Variants in UBE2H observed in about 807,000 individuals in gnomAD.
UBE2H encodes the protein ubiquitin-conjugating enzyme E2 H.
Under a neutral mutation model 29.0 loss-of-function variants are expected in UBE2H, and 3 were observed. That is an observed-to-expected ratio of 0.10 (90% CI 0.05 to 0.27). UBE2H has a LOEUF of 0.27. Among genes scored for constraint, UBE2H ranks in the 10% least tolerant of loss-of-function variants. The probability of loss-of-function intolerance (pLI) is 1.00; values close to 1 mark genes in which losing one functional copy is unlikely to be tolerated. For missense variants in UBE2H, 68 were observed against 228.2 expected (o/e 0.30, Z 4.52); for synonymous variants, 69 against 82.9 (o/e 0.83, Z 0.91).
intron 5 of UBE2H, among the ~76,000 whole-genome samples, chr7:129,855,279 T>C (rs527289406): frequency 2.0e-4 from 31 of 152,224 alleles, no homozygotes; most frequent in Non-Finnish European, 3.7e-4. Flanking sequence ...GTAAAAGCTT[T>C]AGCAAAACTA....
At chr7:129,867,724 C>CAAAAAAAAAAAAAAAAAAAAAA (rs1473451530) in intron 3 of UBE2H, among the ~76,000 whole-genome samples, 6 of 31,204 alleles carry the variant, frequency 1.9e-4, no homozygotes, top group African/African-American at 4.0e-4. Context: ...AAAAGAAAAC[C>CAAAAAAAAAAAAAAAAAAAAAA]AAAAAAAAAA....
intron 3 of UBE2H, among the ~76,000 whole-genome samples, chr7:129,866,122 T>A (rs1584752844): frequency 6.6e-6 from 1 of 152,292 alleles, no homozygotes; most frequent in Middle Eastern, 3.4e-3. Context: ...GAGATGGACC[T>A]GGGCCTGTCT....
intron 3 of UBE2H, among the ~76,000 whole-genome samples, chr7:129,872,839 C>T (rs565439359): frequency 1.2e-3 from 114 of 94,764 alleles, no homozygotes; most frequent in African/African-American, 4.5e-3. Context: ...GAGCAACACT[C>T]CGTCTCAAAA....
intron 4 of UBE2H, among the ~76,000 whole-genome samples, chr7:129,858,338 T>C (rs766593432): frequency 6.6e-4 from 101 of 152,156 alleles, no homozygotes; most frequent in Non-Finnish European, 1.3e-3. Context: ...TAGGTATGTT[T>C]GTGAGAGACA....
rs1049843321 is a variant in UBE2H, at chr7:129,907,191, T to C, written c.54-26220A>G. ...CCGTTGTACGTTTCCTACCCCATCA[T>C]AGTTTACAACTTTGTTGGGTAAGAT... On this transcript the variant is annotated intron_variant, in intron 1 of 6. Coordinates refer to ENST00000355621, the MANE Select transcript of UBE2H (RefSeq NM_003344.4). Among the ~76,000 whole-genome samples the C allele has an allele frequency of 2.6e-5, 4 of 152,126 alleles. No homozygotes were observed. The South Asian group carries it at 8.3e-4, about 31-fold the overall frequency.
At chr7:129,892,107 C>G (rs1206922004) in intron 1 of UBE2H, among the ~76,000 whole-genome samples, 1 of 152,008 alleles carries the variant, frequency 6.6e-6, no homozygotes, top group African/African-American at 2.4e-5. Context: ...CGCCCGCCAC[C>G]AGGCCAAGCT....
At chr7:129,923,560 C>A (rs776656033) in intron 1 of UBE2H, among the ~76,000 whole-genome samples, 3 of 152,054 alleles carry the variant, frequency 2.0e-5, no homozygotes, top group Non-Finnish European at 2.9e-5. Flanking sequence ...AAGTAATAAG[C>A]CAAATTTAGG....
At chr7:129,869,993 C>T (rs1015088436) in intron 3 of UBE2H, among the ~76,000 whole-genome samples, 18 of 152,126 alleles carry the variant, frequency 1.2e-4, no homozygotes, top group Non-Finnish European at 7.4e-5. Context: ...CCCTTTGTTC[C>T]CCTAACTCTC....
At chr7:129,904,228 G>A (rs1484379591) in intron 1 of UBE2H, among the ~76,000 whole-genome samples, 1 of 151,758 alleles carries the variant, frequency 6.6e-6, no homozygotes, top group African/African-American at 2.4e-5. Context: ...CTTCTGCCCA[G>A]CCCTGATTTC....
chr7:129,852,675 G>C (rs1805632931), intron 5 of UBE2H, among the ~76,000 whole-genome samples: 1 of 151,978 alleles, frequency 6.6e-6, no homozygotes, highest in Admixed American at 6.6e-5. Context: ...AATGTAAACT[G>C]CCCAATTTCA....
intron 3 of UBE2H, among the ~76,000 whole-genome samples, chr7:129,867,397 T>A (rs1194993118): frequency 7.1e-6 from 1 of 141,574 alleles, no homozygotes; most frequent in Non-Finnish European, 1.5e-5. Context: ...ATATCCTTTG[T>A]AGGGACATGG....
At chr7:129,907,271 T>G (rs772421186) in intron 1 of UBE2H, among the ~76,000 whole-genome samples, 1 of 152,114 alleles carries the variant, frequency 6.6e-6, no homozygotes, top group Non-Finnish European at 1.5e-5. Flanking sequence ...GATAGTTAAG[T>G]GCCAAAACAA....
chr7:129,866,565 G>A (rs1215517970), intron 3 of UBE2H, among the ~76,000 whole-genome samples: 1 of 152,156 alleles, frequency 6.6e-6, no homozygotes, highest in East Asian at 1.9e-4. Flanking sequence ...GAACTCACAA[G>A]ACCCAACTAC....
intron 1 of UBE2H, among the ~76,000 whole-genome samples, chr7:129,899,812 A>G (rs943868646): frequency 5.9e-5 from 9 of 152,172 alleles, no homozygotes; most frequent in African/African-American, 2.2e-4. Context: ...AACACTTAAA[A>G]AGTATTTGTA....
At chr7:129,948,255 A>C (rs567703517) in intron 1 of UBE2H, among the ~76,000 whole-genome samples, 2 of 151,946 alleles carry the variant, frequency 1.3e-5, no homozygotes, top group East Asian at 3.9e-4. Flanking sequence ...TCCTACACTT[A>C]GGTGATCCTC....
At chr7:129,836,883 A>AAAAAAAAAAAAAAAG (rs1805338898) in intron 6 of UBE2H, among the ~76,000 whole-genome samples, 1 of 27,782 alleles carries the variant, frequency 3.6e-5, no homozygotes, top group Non-Finnish European at 7.7e-5. Context: ...CCGTCTCAAA[A>AAAAAAAAAAAAAAAG]AAAAAAAAAA....
chr7:129,860,869 G>C lies in UBE2H; in HGVS notation c.206-1928C>G, dbSNP rs561363576. The stretch of plus-strand genomic sequence containing the variant: ...TTTGCAAAAGTAATTGTTTCAGTTA[G>C]GGCACAGGGCCAGGGTCATGATAGG... On this transcript the variant is annotated intron_variant, in intron 3 of 6. Coordinates refer to ENST00000355621, the MANE Select transcript of UBE2H (RefSeq NM_003344.4). Among the ~76,000 whole-genome samples, 16 of 152,216 alleles carry C rather than the reference G, an allele frequency of 1.1e-4. No homozygotes were observed. In the South Asian group the frequency reaches 3.3e-3, roughly 32 times the overall value.
intron 6 of UBE2H, among the ~76,000 whole-genome samples, chr7:129,837,376 G>A (rs1805350500): frequency 6.6e-6 from 1 of 152,222 alleles, no homozygotes; most frequent in Non-Finnish European, 1.5e-5. Context: ...TGTAACACTT[G>A]CAGAAAGGTC....
intron 1 of UBE2H, among the ~76,000 whole-genome samples, chr7:129,951,832 G>C (rs1807881862): frequency 6.6e-6 from 1 of 152,064 alleles, no homozygotes; most frequent in African/African-American, 2.4e-5. Flanking sequence ...AGGGCCCGGG[G>C]GTCTTCATCA....
Sources: allele counts gnomAD v4.1 joint callset (sites outside exome capture counted in the v4.1 genomes callset), GRCh38; gene constraint gnomAD v4.1.1; transcripts MANE v1.5; gene names NCBI Gene and HGNC (gene_info 2026-07-23, HGNC 2026-07-21).